The following CNTNAP5 variants were observed in gnomAD, a reference collection of about 807,000 sequenced individuals.
The protein encoded by CNTNAP5 is contactin-associated protein-like 5.
Under a neutral mutation model 150.2 loss-of-function variants are expected in CNTNAP5, and 72 were observed. The ratio of observed to expected loss-of-function variants is 0.48; its 90% CI spans 0.40 to 0.58. The LOEUF is 0.58. Ranked by LOEUF, CNTNAP5 falls within the 20% of genes least tolerant of loss-of-function variation. The pLI is 0.00. For synonymous variants in CNTNAP5, 672 were observed against 619.8 expected (o/e 1.08, Z -1.25); for missense variants, 1,636 against 1,626.2 (o/e 1.01, Z -0.10).
At chr2:124,310,158 A>G (rs1688789748) in intron 3 of CNTNAP5, among the ~76,000 whole-genome samples, 1 of 151,418 alleles carries the variant, frequency 6.6e-6, no homozygotes, top group Non-Finnish European at 1.5e-5. Flanking sequence ...GTAACTGCAG[A>G]TTTCTATTCC....
At chr2:124,291,184 C>G (rs1688280911) in intron 3 of CNTNAP5, among the ~76,000 whole-genome samples, 1 of 151,974 alleles carries the variant, frequency 6.6e-6, no homozygotes, top group Admixed American at 6.6e-5. Context: ...GAAAAATTGG[C>G]AAAGAGAAAA....
intron 3 of CNTNAP5, among the ~76,000 whole-genome samples, chr2:124,414,464 TTGACCA>T (rs1691866645): frequency 6.6e-6 from 1 of 152,112 alleles, no homozygotes; most frequent in South Asian, 2.1e-4. Flanking sequence ...TTGGATCTGC[TTGACCA>T]TGAGCCTCTA....
At chr2:124,314,293 G>A (rs1039073932) in intron 3 of CNTNAP5, among the ~76,000 whole-genome samples, 3 of 152,162 alleles carry the variant, frequency 2.0e-5, no homozygotes, top group Admixed American at 1.3e-4. Flanking sequence ...CTAGTCTTCA[G>A]GGGTAAAGGA....
intron 6 of CNTNAP5, among the ~76,000 whole-genome samples, chr2:124,455,378 T>C (rs1376191954): frequency 6.6e-6 from 1 of 152,002 alleles, no homozygotes; most frequent in Middle Eastern, 3.2e-3. Flanking sequence ...AACAGACCAA[T>C]AACAAGCAGC....
chr2:124,739,233 C>G (rs538344105), intron 13 of CNTNAP5, among the ~76,000 whole-genome samples: 2 of 152,216 alleles, frequency 1.3e-5, no homozygotes, highest in South Asian at 4.1e-4. Context: ...CCTAATGTCA[C>G]GGACTAGCCC....
chr2:124,867,643 T>A (rs1339346059), intron 20 of CNTNAP5, among the ~76,000 whole-genome samples: 2 of 152,120 alleles, frequency 1.3e-5, no homozygotes, highest in Non-Finnish European at 2.9e-5. Flanking sequence ...TCCCATCATC[T>A]CTCAAAACTC....
chr2:124,516,710 T>G (rs900477598), intron 8 of CNTNAP5, among the ~76,000 whole-genome samples: 3 of 152,200 alleles, frequency 2.0e-5, no homozygotes, highest in Non-Finnish European at 4.4e-5. Flanking sequence ...GAACAGCCAC[T>G]TGGTTACAAA....
At chr2:124,480,871 C>T (rs1693747800) in intron 7 of CNTNAP5, among the ~76,000 whole-genome samples, 1 of 152,148 alleles carries the variant, frequency 6.6e-6, no homozygotes, top group Non-Finnish European at 1.5e-5. Flanking sequence ...TATTCACTCA[C>T]TGAACAGTTG....
At chr2:124,908,439 A>G (rs1459027274) in intron 22 of CNTNAP5, among the ~76,000 whole-genome samples, 3 of 152,104 alleles carry the variant, frequency 2.0e-5, no homozygotes, top group Non-Finnish European at 2.9e-5. Context: ...GATCTAATAA[A>G]CCATAATGGA....
chr2:124,901,578 T>C (rs1185696517), intron 21 of CNTNAP5, among the ~76,000 whole-genome samples: 3 of 152,110 alleles, frequency 2.0e-5, no homozygotes, highest in African/African-American at 7.2e-5. Context: ...TGTCAAGAAT[T>C]AATGCAGCCT....
chr2:124,891,918 T>C (rs372042200), intron 21 of CNTNAP5, among the ~76,000 whole-genome samples: 2 of 152,148 alleles, frequency 1.3e-5, no homozygotes, highest in East Asian at 3.9e-4. Flanking sequence ...GTTTTCCAAT[T>C]GGCCCGGCTT....
intron 12 of CNTNAP5, among the ~76,000 whole-genome samples, chr2:124,639,962 C>T (rs1466261636): frequency 2.0e-5 from 3 of 152,036 alleles, no homozygotes; most frequent in African/African-American, 4.8e-5. Flanking sequence ...AGATACTCTT[C>T]CCAACAGGAA....
rs187088323 is a variant in CNTNAP5 at position 124,626,284 on chromosome 2, G to A, written c.1876+16364G>A. Among the ~76,000 whole-genome samples the A allele has an allele frequency of 4.6e-5, 7 of 152,192 alleles. No homozygotes were observed. The South Asian group carries it at 1.2e-3, about 27-fold the overall frequency. ...AGTTATACCTGGTAAGAAAGGGGCC[G>A]AGATGGCAGAAAAGAAACAGCTCTA... On this transcript the variant is annotated intron_variant, in intron 12 of 23. Coordinates refer to ENST00000682447, the MANE Select transcript of CNTNAP5 (RefSeq NM_001367498.1).
chr2:124,561,098 G>A (rs1023105088), intron 10 of CNTNAP5, among the ~76,000 whole-genome samples: 1 of 151,770 alleles, frequency 6.6e-6, no homozygotes, highest in Non-Finnish European at 1.5e-5. Context: ...GGAAATCTCT[G>A]TTTGTGTTTA....
rs189788304 is a variant in CNTNAP5, at chr2:124,665,221, G to A, written c.2077+17263G>A. The stretch of plus-strand genomic sequence containing the variant: ...TCTTCTATCTACTATAAAGTGAATC[G>A]TTCCTTAATGCATGGCACACCAAAG... On this transcript the variant is annotated intron_variant, in intron 13 of 23. Coordinates refer to ENST00000682447, the MANE Select transcript of CNTNAP5 (RefSeq NM_001367498.1). Among the ~76,000 whole-genome samples, 19 of 152,222 alleles carry A rather than the reference G, an allele frequency of 1.2e-4. No homozygotes were observed. The East Asian group carries it at 2.3e-3, about 19-fold the overall frequency.
intron 5 of CNTNAP5, 72 bp from the exon 6 acceptor site, chr2:124,446,681 T>A (rs1692824372): frequency 3.4e-6 from 5 of 1,454,988 alleles, no homozygotes; most frequent in Non-Finnish European, 4.7e-6. Context: ...CTGCTTTTGC[T>A]TGTGGAGCAT....
intron 3 of CNTNAP5, among the ~76,000 whole-genome samples, chr2:124,278,213 G>A (rs540086070): frequency 6.6e-6 from 1 of 152,046 alleles, no homozygotes; most frequent in South Asian, 2.1e-4. Context: ...TATTTAAGGA[G>A]AGACATTAAA....
chr2:124,075,502 T>C (rs568644500), intron 1 of CNTNAP5, among the ~76,000 whole-genome samples: 5 of 152,274 alleles, frequency 3.3e-5, no homozygotes, highest in African/African-American at 1.2e-4. Context: ...TACAGTCCCT[T>C]GAATGGCAAA....
chr2:124,472,637 C>T (rs1023687297), intron 6 of CNTNAP5, among the ~76,000 whole-genome samples: 11 of 151,228 alleles, frequency 7.3e-5, no homozygotes, highest in South Asian at 4.2e-4. Context: ...CCGTTCCAGA[C>T]GAATGCAATA....
Sources: gnomAD v4.1 joint callset for allele counts (sites outside exome capture counted in the v4.1 genomes callset) on GRCh38, gnomAD v4.1.1 for gene constraint, MANE v1.5 for transcripts, NCBI Gene and HGNC (gene_info 2026-07-23, HGNC 2026-07-21) for gene names.